Variants in ZNF808 observed in about 807,000 individuals in gnomAD.
The protein encoded by ZNF808 is zinc finger protein 808.
Under a neutral mutation model 8.7 loss-of-function variants are expected in ZNF808, and 5 were observed. The observed-to-expected ratio is 0.58, with a 90% confidence interval of 0.30 to 1.21. The LOEUF is 1.21. Among genes scored for constraint, ZNF808 ranks in the 50% most tolerant of loss-of-function variants. ZNF808 has a pLI of 0.07. For missense variants in ZNF808, 1,103 were observed against 1,098.4 expected, an observed-to-expected ratio of 1.00 and a Z score of -0.06; for synonymous variants, 380 against 366.0, an observed-to-expected ratio of 1.04 and a Z score of -0.44.
chr19:52,556,854 G>A (rs2123218690), downstream of ZNF808: 1 of 152,274 alleles, frequency 6.6e-6, no homozygotes, highest in Non-Finnish European at 1.5e-5. Context: ...ATCTTCAGCT[G>A]GGAGCTATTT....
At position 52,555,708 on chromosome 19, in the gene ZNF808, C is replaced by A; in HGVS notation, c.*80C>A. The A allele has an allele frequency of 6.5e-7, 1 of 1,539,194 alleles. No individual in the cohort carries two copies. Among genetic ancestry groups the A allele is most frequent in the Non-Finnish European group, 8.8e-7 (1 of 1,137,786 alleles). On this transcript the variant is annotated 3_prime_UTR_variant, in exon 5 of 5. Transcript: ENST00000359798. ...AGAATCCATGATGAAGAGAAATCTT[C>A]TGAGTGTAATAAATGTGGCATGTTT... is the stretch of plus-strand genomic sequence containing the variant.
At chr19:52,558,155 G>T (rs1230167178), downstream of ZNF808, among the ~76,000 whole-genome samples, 11 of 145,814 alleles carry the variant, frequency 7.5e-5, no homozygotes, top group Non-Finnish European at 1.3e-4. Flanking sequence ...GCGCAATCTC[G>T]GCTCACTGCA....
At chr19:52,548,154 T>TC (rs1286076455) in intron 4 of ZNF808, among the ~76,000 whole-genome samples, 1 of 152,152 alleles carries the variant, frequency 6.6e-6, no homozygotes, top group Non-Finnish European at 1.5e-5. Flanking sequence ...TTGCAATTCC[T>TC]CCCAGCGAGG....
Position 52,553,612 on chromosome 19 carries a change from A to C in ZNF808, c.696A>C (p.Pro232=). The C allele has an allele frequency of 6.2e-7, 1 of 1,614,216 alleles. No individual in the cohort carries two copies. The highest frequency in any genetic ancestry group is 8.5e-7 in the Non-Finnish European group (1 of 1,180,042). ...QEVHMREKSF[P]CNESGKAFNC... is the part of the protein sequence containing the mutation. The stretch of plus-strand genomic sequence containing the variant: ...TACACATGAGAGAAAAATCTTTCCC[A>C]TGTAATGAGAGTGGCAAAGCCTTTA... Residue 232 remains proline, a synonymous_variant, in exon 5 of 5, where the codon CCA becomes CCC. Coordinates refer to ENST00000359798, the MANE Select transcript of ZNF808 (RefSeq NM_001039886.4).
chr19:52,549,168 C>G (rs992725356), intron 4 of ZNF808, among the ~76,000 whole-genome samples: 4 of 151,934 alleles, frequency 2.6e-5, no homozygotes, highest in African/African-American at 7.3e-5. Flanking sequence ...TTAGTAGAGA[C>G]AGTGTTTCAC....
chr19:52,544,173 A>AGG (rs1056971153), intron 3 of ZNF808, among the ~76,000 whole-genome samples: 8 of 152,088 alleles, frequency 5.3e-5, no homozygotes, highest in Non-Finnish European at 1.2e-4. Context: ...GAAAAAAGAG[A>AGG]GAGAGAGAAG....
In ZNF808 at chr19:52,554,902, C is replaced by A; in HGVS notation, c.1986C>A (p.Tyr662Ter). 6.2e-7 allele frequency: 1 copy of A among 1,614,146 alleles called. No homozygotes were observed. The highest frequency in any genetic ancestry group is 1.3e-5 in the African/African-American group (1 of 75,040). Reference sequence around the variant, plus strand: ...ATGAGTGTGGGAAGACCTTCAGTTACAAGTCATCACTTGTATGGCATCGTA... The same window carrying A: ...ATGAGTGTGGGAAGACCTTCAGTTAAAAGTCATCACTTGTATGGCATCGTA... ...KCNECGKTFSYKSSLVWHRRL... is the reference protein window; with the variant it reads ...KCNECGKTFS Residue 662 changes from tyrosine (Y) to a stop codon, truncating the protein, a stop_gained, in exon 5 of 5, where the codon TAC (tyrosine) becomes TAA (stop). Coordinates refer to ENST00000359798, the MANE Select transcript of ZNF808 (RefSeq NM_001039886.4). LOFTEE classifies it low-confidence loss of function (END_TRUNC).
intron 4 of ZNF808, among the ~76,000 whole-genome samples, chr19:52,550,963 C>G (rs2059770906): frequency 6.6e-6 from 1 of 152,046 alleles, no homozygotes; most frequent in Non-Finnish European, 1.5e-5. Context: ...GCTTTCACCT[C>G]TAATTCTAGC....
In ZNF808 at chr19:52,534,794, CAGA is replaced by C. The variant is rs1172391598; in HGVS notation, c.-20+1790_-20+1792del. The stretch of plus-strand genomic sequence containing the variant: ...ATACCAGCTACTCGAAAGGCTGAGG[CAGA>C]AGAATAGCTTCAACCCAGGAGGCAG... On this transcript the variant is annotated intron_variant, in intron 2 of 4. Coordinates refer to ENST00000359798, the MANE Select transcript of ZNF808 (RefSeq NM_001039886.4). 2.6e-5 allele frequency among the ~76,000 whole-genome samples: 4 copies of C among 152,078 alleles called. No individual in the cohort carries two copies. In the South Asian group the frequency reaches 8.3e-4, roughly 32 times the overall value.
At chr19:52,541,047 G>A (rs1383198509) in intron 2 of ZNF808, among the ~76,000 whole-genome samples, 1 of 152,112 alleles carries the variant, frequency 6.6e-6, no homozygotes, top group Non-Finnish European at 1.5e-5. Context: ...TACCTCCTGG[G>A]TTCAAGCAAT....
downstream of ZNF808, among the ~76,000 whole-genome samples, chr19:52,560,903 C>G (rs2059854035): frequency 6.6e-6 from 1 of 152,092 alleles, no homozygotes; most frequent in Non-Finnish European, 1.5e-5. Context: ...GCTTTCCAGC[C>G]TATTGATTTT....
At chr19:52,561,163 TCTCTCTCTCTCTCTCTCTCTCTCTCTCTC>T (rs2059855393), downstream of ZNF808, among the ~76,000 whole-genome samples, 34 of 67,164 alleles carry the variant, frequency 5.1e-4, no homozygotes, top group Admixed American at 2.9e-3. Flanking sequence ...ATCTGTTCTC[TCTCTCTCTCTCTCTCTCTCTCTCTCTCTC>T]TCTCTCTCTC....
At chr19:52,560,480 ACTC>A (rs1389675754), downstream of ZNF808, among the ~76,000 whole-genome samples, 2 of 151,948 alleles carry the variant, frequency 1.3e-5, no homozygotes, top group Non-Finnish European at 2.9e-5. Flanking sequence ...ACATTGCTGT[ACTC>A]CTCGTAGACT....
chr19:52,549,546 GAATATTTAACCTTGGGTC>G (rs1178961263), intron 4 of ZNF808, among the ~76,000 whole-genome samples: 1 of 152,082 alleles, frequency 6.6e-6, no homozygotes, highest in Non-Finnish European at 1.5e-5. Context: ...ATTGTAATTT[GAATATTTAACCTTGGGTC>G]AATATTTTAA....
intron 1 of ZNF808, among the ~76,000 whole-genome samples, chr19:52,531,923 G>T (rs980156961): frequency 3.3e-5 from 5 of 152,150 alleles, no homozygotes; most frequent in Non-Finnish European, 5.9e-5. Flanking sequence ...TACATCAGAA[G>T]GTAGTGATCT....
intron 2 of ZNF808, 27 bp from the exon 3 acceptor site, chr19:52,543,239 T>G: frequency 6.2e-7 from 1 of 1,608,224 alleles, no homozygotes. Context: ...ATTTCTAACA[T>G]GAAGTCTTAT....
downstream of ZNF808, chr19:52,556,908 T>C (rs1311138424): frequency 6.6e-6 from 1 of 152,198 alleles, no homozygotes; most frequent in Non-Finnish European, 1.5e-5. Context: ...TCTGGAAAAA[T>C]GTTGAAACAT....
At chr19:52,538,298 A>G (rs1464066565) in intron 2 of ZNF808, among the ~76,000 whole-genome samples, 3 of 146,236 alleles carry the variant, frequency 2.1e-5, no homozygotes, top group Non-Finnish European at 3.0e-5. Context: ...CTGGGATTAC[A>G]GGGATGAGCC....
chr19:52,542,958 T>TTG (rs1491106334), intron 2 of ZNF808, among the ~76,000 whole-genome samples: 4 of 142,032 alleles, frequency 2.8e-5, no homozygotes, highest in African/African-American at 1.0e-4. Flanking sequence ...ATCTTTTTTT[T>TTG]GGGGGGGGGG....
Sources: gnomAD v4.1 joint callset for allele counts (sites outside exome capture counted in the v4.1 genomes callset) on GRCh38, gnomAD v4.1.1 for gene constraint, MANE v1.5 for transcripts, NCBI Gene and HGNC (gene_info 2026-07-23, HGNC 2026-07-21) for gene names.